ASAP1: variants seen among roughly 807,000 people sequenced by gnomAD.
ASAP1 encodes ArfGAP with SH3 domain, ankyrin repeat and PH domain 1, also known as arf-GAP with SH3 domain, ANK repeat and PH domain-containing protein 1.
Under a neutral mutation model 145.2 loss-of-function variants are expected in ASAP1, and 43 were observed. The observed-to-expected ratio is 0.30, with a 90% CI of 0.23 to 0.38. The LOEUF (loss-of-function observed/expected upper bound fraction) is 0.38, where lower values mean the gene tolerates loss of function less well. Ranked by LOEUF, ASAP1 falls within the 10% of genes least tolerant of loss-of-function variation. The pLI, the probability that ASAP1 is intolerant of heterozygous loss-of-function variation, is 1.00. For synonymous variants in ASAP1, 546 were observed against 515.5 expected (o/e 1.06, Z -0.80); for missense variants, 1,018 against 1,355.3 (o/e 0.75, Z 3.91).
At chr8:130,377,980 C>A (rs1393542781) in intron 2 of ASAP1, among the ~76,000 whole-genome samples, 1 of 152,208 alleles carries the variant, frequency 6.6e-6, no homozygotes, top group Admixed American at 6.5e-5. Flanking sequence ...GGGACCCTGA[C>A]TGATACAGGG....
rs1227102486 is a variant in ASAP1 at position 130,052,261 on chromosome 8, A to G, written c.*2470T>C. On this transcript the variant is annotated 3_prime_UTR_variant, in exon 30 of 30. Coordinates refer to ENST00000518721, the MANE Select transcript of ASAP1 (RefSeq NM_018482.4). ...GGTAACATCCAGATGAGAATTCGGC[A>G]TTTAACTAGTGGCACTACAGGATTC... 1 of 152,712 alleles carries G rather than the reference A, an allele frequency of 6.5e-6. No individual in the cohort carries two copies. Among genetic ancestry groups the G allele is most frequent in the Non-Finnish European group, 1.5e-5 (1 of 68,056 alleles). 9.5% of individuals were successfully genotyped at this position (152,712 alleles called of 1,614,324 possible).
chr8:130,193,252 C>T (rs1423922810), intron 5 of ASAP1, among the ~76,000 whole-genome samples: 2 of 151,992 alleles, frequency 1.3e-5, no homozygotes, highest in Non-Finnish European at 1.5e-5. Flanking sequence ...ATCTATAATC[C>T]CAGCTACTTG....
intron 3 of ASAP1, among the ~76,000 whole-genome samples, chr8:130,322,324 A>G (rs1824058315): frequency 6.6e-6 from 1 of 151,924 alleles, no homozygotes; most frequent in African/African-American, 2.4e-5. Context: ...AAAAATGAAA[A>G]TGCTGTAACT....
At chr8:130,124,465 T>A (rs1397641366) in intron 17 of ASAP1, among the ~76,000 whole-genome samples, 1 of 152,216 alleles carries the variant, frequency 6.6e-6, no homozygotes, top group African/African-American at 2.4e-5. Context: ...AGGCTCCATA[T>A]GTGAGTCTAG....
chr8:130,243,042 C>T lies in ASAP1; in HGVS notation c.187-6048G>A, dbSNP rs903655825. 3.9e-5 allele frequency among the ~76,000 whole-genome samples: 6 copies of T among 152,094 alleles called. No homozygotes were observed. The East Asian group carries it at 7.7e-4, about 20-fold the overall frequency. The stretch of plus-strand genomic sequence containing the variant: ...TTATTCATCCACTCAGTGTGCTAGA[C>T]GCTTCAACAGGCACCAGCCAAAGTG... On this transcript the variant is annotated intron_variant, in intron 3 of 29. Transcript: ENST00000518721.
chr8:130,061,462 C>T (rs1172028746), intron 27 of ASAP1, among the ~76,000 whole-genome samples: 1 of 151,968 alleles, frequency 6.6e-6, no homozygotes, highest in Admixed American at 6.6e-5. Flanking sequence ...CTTTTACTTG[C>T]TTTTATCTAA....
intron 3 of ASAP1, among the ~76,000 whole-genome samples, chr8:130,281,364 G>A (rs1276006742): frequency 6.6e-6 from 1 of 152,114 alleles, no homozygotes; most frequent in African/African-American, 2.4e-5. Flanking sequence ...ATCATTTCTT[G>A]ATTTTGTCCA....
intron 11 of ASAP1, among the ~76,000 whole-genome samples, chr8:130,166,964 A>G (rs2097681111): frequency 6.6e-6 from 1 of 152,224 alleles, no homozygotes; most frequent in Non-Finnish European, 1.5e-5. Flanking sequence ...ACTATGTTTC[A>G]GCATATGCTC....
chr8:130,283,587 G>GAAAGAAAAAAAAAAAAAA (rs1821397492), intron 3 of ASAP1, among the ~76,000 whole-genome samples: 1 of 20,852 alleles, frequency 4.8e-5, no homozygotes, highest in African/African-American at 1.7e-4. Flanking sequence ...ATCACAGAAA[G>GAAAGAAAAAAAAAAAAAA]AAAAAAAAAA....
At position 130,358,777 on chromosome 8, in the gene ASAP1, C is replaced by T. The variant is rs1219271224; in HGVS notation, c.60-634G>A. 2.7e-5 allele frequency among the ~76,000 whole-genome samples: 4 copies of T among 147,592 alleles called. No individual in the cohort carries two copies. Among genetic ancestry groups the T allele is most frequent in the South Asian group, 2.1e-4 (1 of 4,752 alleles). On this transcript the variant is annotated intron_variant, in intron 2 of 29. Transcript: ENST00000518721. This position sits in a 1 kb window ranked among gnomAD's most constrained non-coding sequence, Gnocchi z 4.1. ...GCCCCGCCCCCGCTCGCGCACAGCC[C>T]CTGGGGCCTGGCTCCGAAGCTGCCG...
In ASAP1 at chr8:130,229,725, G is replaced by C. The variant is rs555449026; in HGVS notation, c.259+7197C>G. Among the ~76,000 whole-genome samples the C allele has an allele frequency of 1.6e-4, 25 of 152,236 alleles. No individual in the cohort carries two copies. In the East Asian group the frequency reaches 4.6e-3, roughly 28 times the overall value. On this transcript the variant is annotated intron_variant, in intron 4 of 29. Transcript: ENST00000518721. ...TCACCTTTAACAGAGCAAATTTGTT[G>C]TTCATCCTAAGGCTTTAAAAAACCC...
At chr8:130,204,240 T>C (rs1278309519) in intron 5 of ASAP1, among the ~76,000 whole-genome samples, 1 of 152,176 alleles carries the variant, frequency 6.6e-6, no homozygotes, top group Non-Finnish European at 1.5e-5. Context: ...GAGAATCTAA[T>C]GATAAATGTA....
In ASAP1 at chr8:130,365,856, G is replaced by A. The variant is rs559537440; in HGVS notation, c.60-7713C>T. ...CATTTATAGGGGGAAGGGTATGAGA[G>A]GAATTGAGAGAGGAGAAATGGAGAG... On this transcript the variant is annotated intron_variant, in intron 2 of 29. Transcript: ENST00000518721. Among the ~76,000 whole-genome samples the A allele has an allele frequency of 2.0e-5, 3 of 152,254 alleles. No homozygotes were observed. In the South Asian group the frequency reaches 6.2e-4, roughly 32 times the overall value.
intron 3 of ASAP1, among the ~76,000 whole-genome samples, chr8:130,262,548 T>C (rs1820000247): frequency 6.6e-6 from 1 of 151,824 alleles, no homozygotes; most frequent in South Asian, 2.1e-4. Context: ...TTATCAAGTA[T>C]GAAGAAAGTA....
intron 25 of ASAP1, among the ~76,000 whole-genome samples, chr8:130,087,733 C>A (rs565040647): frequency 1.1e-4 from 17 of 152,182 alleles, no homozygotes; most frequent in African/African-American, 4.1e-4. Flanking sequence ...AAGTTTGATT[C>A]CACATTTAAT....
Position 130,118,309 on chromosome 8 carries a change from T to A in ASAP1, c.1795-63A>T, listed in dbSNP as rs1011419209. ...ATGCTCTGCCAAGGGAGGCTTCATA[T>A]ATATCAGTTGCCCCCAAGTAATTAT... On this transcript the variant is annotated intron_variant, in intron 19 of 29. Transcript: ENST00000518721. 5 of 1,514,640 alleles carry A rather than the reference T, an allele frequency of 3.3e-6. No individual in the cohort carries two copies. In the African/African-American group the frequency reaches 6.9e-5, roughly 21 times the overall value. 93.8% of individuals were successfully genotyped at this position (1,514,640 alleles called of 1,614,324 possible).
At chr8:130,382,385 A>G (rs1827822480) in intron 2 of ASAP1, among the ~76,000 whole-genome samples, 1 of 152,002 alleles carries the variant, frequency 6.6e-6, no homozygotes, top group Non-Finnish European at 1.5e-5. Flanking sequence ...CCGAATCTCC[A>G]GCTTCTAGAC....
At chr8:130,286,753 A>G (rs1333662887) in intron 3 of ASAP1, among the ~76,000 whole-genome samples, 1 of 152,220 alleles carries the variant, frequency 6.6e-6, no homozygotes, top group Non-Finnish European at 1.5e-5. Flanking sequence ...ATGTTTACTG[A>G]GCTTTAAAAA....
intron 5 of ASAP1, among the ~76,000 whole-genome samples, chr8:130,214,088 T>C (rs1816745288): frequency 6.6e-6 from 1 of 152,198 alleles, no homozygotes; most frequent in Non-Finnish European, 1.5e-5. Flanking sequence ...GGTTCATTAT[T>C]TATATATCAG....
Sources: gnomAD v4.1 joint callset for allele counts (sites outside exome capture counted in the v4.1 genomes callset) on GRCh38, gnomAD v4.1.1 for gene constraint, Gnocchi (gnomAD v3.1) non-coding constraint, MANE v1.5 for transcripts, NCBI Gene and HGNC (gene_info 2026-07-23, HGNC 2026-07-21) for gene names.